The following CTNNA2 variants were observed in gnomAD, a reference collection of about 807,000 sequenced individuals.
CTNNA2 encodes catenin alpha-2.
CTNNA2 carries 42 observed loss-of-function variants against 101.0 expected under a neutral mutation model. That is an observed-to-expected ratio of 0.42 (90% CI 0.32 to 0.54). The LOEUF (loss-of-function observed/expected upper bound fraction) is 0.54. Among genes scored for constraint, CTNNA2 ranks in the 20% least tolerant of loss-of-function variants. The pLI is 0.14. For synonymous variants in CTNNA2, 450 were observed against 456.4 expected (o/e 0.99, Z 0.18); for missense variants, 871 against 1,223.1 (o/e 0.71, Z 4.29).
chr2:79,965,878 A>G (rs572041586), intron 7 of CTNNA2, among the ~76,000 whole-genome samples: 1 of 151,530 alleles, frequency 6.6e-6, no homozygotes, highest in Non-Finnish European at 1.5e-5. Flanking sequence ...GAAAAGAAAA[A>G]GAAAAAGACA....
chr2:79,627,665 C>G (rs1356512845), intron 1 of CTNNA2, among the ~76,000 whole-genome samples: 2 of 152,144 alleles, frequency 1.3e-5, no homozygotes, highest in African/African-American at 4.8e-5. Context: ...TGGAATTCTA[C>G]TATAGTGTAC....
chr2:79,772,373 G>A (rs541238815), intron 3 of CTNNA2, among the ~76,000 whole-genome samples: 31 of 152,270 alleles, frequency 2.0e-4, no homozygotes, highest in African/African-American at 6.3e-4. Flanking sequence ...AAGGCATATG[G>A]TAGGTCTCTT....
chr2:79,569,318 C>T (rs757136298), intron 1 of CTNNA2, among the ~76,000 whole-genome samples: 1 of 151,866 alleles, frequency 6.6e-6, no homozygotes, highest in Admixed American at 6.6e-5. Context: ...TGAACAGGGT[C>T]GGCTGGGGGG....
chr2:80,039,281 A>G (rs1306768983), intron 7 of CTNNA2, among the ~76,000 whole-genome samples: 1 of 152,054 alleles, frequency 6.6e-6, no homozygotes, highest in African/African-American at 2.4e-5. Context: ...AGCATAAGAG[A>G]TACCCAGAGC....
At chr2:79,716,345 GC>G (rs1334122347) in intron 2 of CTNNA2, among the ~76,000 whole-genome samples, 1 of 152,198 alleles carries the variant, frequency 6.6e-6, no homozygotes, top group Non-Finnish European at 1.5e-5. Context: ...GTAAACATGT[GC>G]CACGGTGGTT....
chr2:79,870,582 T>C (rs1277029033), intron 5 of CTNNA2, among the ~76,000 whole-genome samples: 2 of 152,044 alleles, frequency 1.3e-5, no homozygotes, highest in Non-Finnish European at 2.9e-5. Flanking sequence ...ATTAGTTTGT[T>C]CTCATGCTGT....
rs367889797 is a variant in CTNNA2, at chr2:80,623,048, TAAA to T, written c.2574+3837_2574+3839del. ...AAGCAAGACTACTAGCGCTAGTTTC[TAAA>T]AAAAAAAAAAAAAAAAGTTCAAGCA... On this transcript the variant is annotated intron_variant, in intron 18 of 18. Transcript: ENST00000402739. Among the ~76,000 whole-genome samples, 652 of 121,620 alleles carry T rather than the reference TAAA, an allele frequency of 5.4e-3. 6 individuals are homozygous for T. Among genetic ancestry groups the T allele is most frequent in the African/African-American group, 0.018 (616 of 33,818 alleles). The allele number at this position is 121,620 out of a possible 152,430, so 79.8% of individuals were successfully genotyped here.
intron 7 of CTNNA2, among the ~76,000 whole-genome samples, chr2:80,377,266 T>C (rs1676045758): frequency 6.6e-6 from 1 of 152,228 alleles, no homozygotes; most frequent in Non-Finnish European, 1.5e-5. Flanking sequence ...CTTCCATTTA[T>C]CCATAGTTCA....
chr2:80,108,607 G>A (rs934522549), intron 7 of CTNNA2, among the ~76,000 whole-genome samples: 5 of 152,086 alleles, frequency 3.3e-5, no homozygotes, highest in Admixed American at 6.5e-5. Context: ...CGATAAAATC[G>A]ATCTGCCTTC....
intron 7 of CTNNA2, among the ~76,000 whole-genome samples, chr2:80,140,722 G>A (rs149091844): frequency 1.3e-5 from 2 of 152,110 alleles, no homozygotes; most frequent in African/African-American, 2.4e-5. Flanking sequence ...TTTTAACAGG[G>A]ATTGACCCAA....
At chr2:79,587,056 A>G (rs1212363696) in intron 1 of CTNNA2, among the ~76,000 whole-genome samples, 1 of 151,986 alleles carries the variant, frequency 6.6e-6, no homozygotes. Context: ...CATTTTCTTT[A>G]TCCACTCATT....
intron 2 of CTNNA2, among the ~76,000 whole-genome samples, chr2:79,219,059 T>G (rs1291628267): frequency 2.0e-5 from 3 of 152,222 alleles, no homozygotes; most frequent in Non-Finnish European, 2.9e-5. Flanking sequence ...GAATGATATA[T>G]TTCATATTTG....
Position 80,588,198 on chromosome 2 carries a change from CAT to C in CTNNA2, c.2008-1105_2008-1104del, listed in dbSNP as rs147030797. ...ATGCCTGATTGAAGCTTAACTAACA[CAT>C]GTGTTTTCTCCATAAGGCACATGCC... On this transcript the variant is annotated intron_variant, in intron 14 of 18. Transcript: ENST00000402739. Among the ~76,000 whole-genome samples, 1,057 of 152,306 alleles carry C rather than the reference CAT, an allele frequency of 6.9e-3. 6 individuals are homozygous for C. The highest frequency in any genetic ancestry group is 0.012 in the Admixed American group (181 of 15,298).
chr2:79,333,067 A>G (rs1676911356), intron 3 of CTNNA2, among the ~76,000 whole-genome samples: 1 of 152,240 alleles, frequency 6.6e-6, no homozygotes, highest in Non-Finnish European at 1.5e-5. Flanking sequence ...ATTTTGAAAG[A>G]AACGCAACAG....
At chr2:80,087,694 A>G (rs1003095301) in intron 7 of CTNNA2, among the ~76,000 whole-genome samples, 1 of 152,056 alleles carries the variant, frequency 6.6e-6, no homozygotes, top group African/African-American at 2.4e-5. Flanking sequence ...TCTTATTAAA[A>G]TGCAGATTTT....
rs758815951 is a variant in CTNNA2, at chr2:79,909,686, G to A, written c.945G>A (p.Ala315=). Reference sequence around the variant, plus strand: ...TGGAGAGCATCATCAGCGGCGCAGCGCTGATGGCCGACTCCTCCTGCACGC... The same window carrying A: ...TGGAGAGCATCATCAGCGGCGCAGCACTGATGGCCGACTCCTCCTGCACGC... The part of the protein sequence containing the change: ...ERLESIISGA[A]LMADSSCTRD... The change falls in exon 7 of 19, where the codon GCG becomes GCA. Residue 315 remains alanine, a synonymous_variant. Transcript: ENST00000402739. 1.9e-6 allele frequency: 3 copies of A among 1,613,922 alleles called. No individual in the cohort carries two copies. Among genetic ancestry groups the A allele is most frequent in the Admixed American group, 3.3e-5 (2 of 60,026 alleles).
chr2:80,307,316 T>G (rs970214836), intron 7 of CTNNA2, among the ~76,000 whole-genome samples: 1 of 152,156 alleles, frequency 6.6e-6, no homozygotes. Context: ...ACTGATTAAA[T>G]CAATGCAAAT....
At chr2:80,288,734 T>C (rs542861062) in intron 7 of CTNNA2, 1 of 152,424 alleles carries the variant, frequency 6.6e-6, no homozygotes, top group East Asian at 1.9e-4. Flanking sequence ...GCTCGATTTT[T>C]CTTCTTTTTT....
At chr2:79,226,102 C>A (rs566237600) in intron 2 of CTNNA2, among the ~76,000 whole-genome samples, 1 of 152,170 alleles carries the variant, frequency 6.6e-6, no homozygotes, top group Non-Finnish European at 1.5e-5. Context: ...GCTCTCTACA[C>A]ATGTGGAGCC....
Sources: gnomAD v4.1 joint callset for allele counts (sites outside exome capture counted in the v4.1 genomes callset) on GRCh38, gnomAD v4.1.1 for gene constraint, MANE v1.5 for transcripts, NCBI Gene and HGNC (gene_info 2026-07-23, HGNC 2026-07-21) for gene names.